SLC2A13: variants seen among roughly 807,000 people sequenced by gnomAD.
The protein encoded by SLC2A13 is proton myo-inositol cotransporter.
Under a neutral mutation model 64.4 loss-of-function variants are expected in SLC2A13, and 32 were observed. That is an observed-to-expected ratio of 0.50 (90% CI 0.37 to 0.67). The LOEUF is 0.67. Among genes scored for constraint, SLC2A13 ranks in the 30% least tolerant of loss-of-function variants. The probability of loss-of-function intolerance (pLI) is 0.00; values close to 1 mark genes in which losing one functional copy is unlikely to be tolerated. For synonymous variants in SLC2A13, 338 were observed against 327.1 expected, an observed-to-expected ratio of 1.03 and a Z score of -0.36; for missense variants, 743 against 829.2, an observed-to-expected ratio of 0.90 and a Z score of 1.28.
intron 6 of SLC2A13, among the ~76,000 whole-genome samples, chr12:39,842,030 C>CT (rs2135875905): frequency 6.6e-6 from 1 of 152,106 alleles, no homozygotes; most frequent in South Asian, 2.1e-4. Flanking sequence ...TTTTATTTCC[C>CT]TTTTTACAGA....
At chr12:39,829,826 A>G (rs1251674092) in intron 7 of SLC2A13, 3 of 391,242 alleles carry the variant, frequency 7.7e-6, no homozygotes, top group Non-Finnish European at 1.4e-5. Context: ...CCTTGGCAGT[A>G]TTTGTGAATA....
intron 3 of SLC2A13, among the ~76,000 whole-genome samples, chr12:39,998,838 A>T (rs1458030165): frequency 6.6e-6 from 1 of 152,142 alleles, no homozygotes; most frequent in East Asian, 1.9e-4. Flanking sequence ...GCAGAATGAT[A>T]TGGCTTGGCT....
chr12:39,911,150 G>C (rs186785671), intron 4 of SLC2A13, among the ~76,000 whole-genome samples: 33 of 152,092 alleles, frequency 2.2e-4, no homozygotes, highest in African/African-American at 8.0e-4. Flanking sequence ...AAGAGCTTAA[G>C]TTACTTTGCA....
chr12:39,871,639 CT>C (rs374790607), intron 5 of SLC2A13, among the ~76,000 whole-genome samples, 158 bp downstream of exon 5: 2,249 of 148,346 alleles, frequency 0.015, 62 homozygotes, highest in African/African-American at 0.049. Context: ...GTTAAAAGCT[CT>C]TTTTTTTTTC....
At chr12:39,909,970 T>C (rs1945389990) in intron 4 of SLC2A13, among the ~76,000 whole-genome samples, 1 of 151,860 alleles carries the variant, frequency 6.6e-6, no homozygotes, top group East Asian at 1.9e-4. Context: ...CAGGTGAAAG[T>C]AATAAATAAA....
Position 39,871,857 on chromosome 12 carries a change from A to T in SLC2A13, c.1139T>A (p.Val380Glu). 6.2e-7 allele frequency: 1 copy of T among 1,612,908 alleles called. No homozygotes were observed. Among genetic ancestry groups the T allele is most frequent in the Admixed American group, 1.7e-5 (1 of 59,806 alleles). Residue 380 changes from valine (V) to glutamate (E), a missense_variant, in exon 5 of 10, where the codon GTG becomes GAG. Physicochemically the swap from Val to Glu is moderately radical, Grantham distance 121. Around this residue, in one of 2 missense-constraint regions of SLC2A13, gnomAD observed 295 missense variants for 381.7 expected, o/e 0.77. Coordinates refer to ENST00000280871, the MANE Select transcript of SLC2A13 (RefSeq NM_052885.4). ...TAFTNFIFTL[V>E]GVWLVEKVGR... ...CACCTTCTCAACAAGCCAGACTCCC[A>T]CAAGTGTGAAAATGAAATTTGTGAA... is the stretch of plus-strand genomic sequence containing the variant.
chr12:39,794,547 C>T (rs1320821972), intron 7 of SLC2A13, among the ~76,000 whole-genome samples: 1 of 152,184 alleles, frequency 6.6e-6, no homozygotes. Context: ...AGCCAAACTT[C>T]AGACAACCAC....
At chr12:40,053,241 C>A (rs1428712906) in intron 1 of SLC2A13, among the ~76,000 whole-genome samples, 1 of 143,412 alleles carries the variant, frequency 7.0e-6, no homozygotes, top group African/African-American at 2.6e-5. Context: ...AAGATGGTAC[C>A]ACTGCACTAT....
intron 4 of SLC2A13, among the ~76,000 whole-genome samples, chr12:39,906,459 C>T (rs1945285386): frequency 6.6e-6 from 1 of 151,930 alleles, no homozygotes; most frequent in Non-Finnish European, 1.5e-5. Flanking sequence ...CAGTGTTATC[C>T]AGGGGAAAGT....
At chr12:39,816,465 G>T (rs1942343848) in intron 7 of SLC2A13, among the ~76,000 whole-genome samples, 1 of 150,148 alleles carries the variant, frequency 6.7e-6, no homozygotes, top group South Asian at 2.1e-4. Context: ...AGCATTAGGA[G>T]ATATACCTAA....
At chr12:39,856,208 C>T (rs946700550) in intron 6 of SLC2A13, among the ~76,000 whole-genome samples, 6 of 152,082 alleles carry the variant, frequency 3.9e-5, no homozygotes, top group Admixed American at 1.3e-4. Flanking sequence ...CTTCTCTTAT[C>T]AATAGCAACC....
intron 4 of SLC2A13, among the ~76,000 whole-genome samples, chr12:39,894,121 C>T (rs1944680812): frequency 6.6e-6 from 1 of 152,204 alleles, no homozygotes; most frequent in Non-Finnish European, 1.5e-5. Flanking sequence ...TACCAGCATT[C>T]TCCTATAGTG....
intron 4 of SLC2A13, among the ~76,000 whole-genome samples, chr12:39,942,764 C>G (rs949917974): frequency 3.3e-5 from 5 of 152,186 alleles, no homozygotes; most frequent in African/African-American, 1.2e-4. Flanking sequence ...TCTGTCAATT[C>G]ATCAAACTCA....
intron 4 of SLC2A13, among the ~76,000 whole-genome samples, chr12:39,928,716 G>C (rs1945770966): frequency 6.6e-6 from 1 of 152,138 alleles, no homozygotes; most frequent in Non-Finnish European, 1.5e-5. Flanking sequence ...TGTATGCAAG[G>C]ATAAAGAACA....
At chr12:39,884,998 T>A (rs1944434727) in intron 4 of SLC2A13, among the ~76,000 whole-genome samples, 1 of 152,226 alleles carries the variant, frequency 6.6e-6, no homozygotes, top group Non-Finnish European at 1.5e-5. Flanking sequence ...AAAACCATAG[T>A]GGCAGAGACA....
Position 39,895,786 on chromosome 12 carries a change from GTA to G in SLC2A13, c.1035-23827_1035-23826del, listed in dbSNP as rs1244223743. On this transcript the variant is annotated intron_variant, in intron 4 of 9. Coordinates refer to ENST00000280871, the MANE Select transcript of SLC2A13 (RefSeq NM_052885.4). ...TACACACATGTATATGCGTGTATAC[GTA>G]CACACATGTATATGCGTGTATACGT... Among the ~76,000 whole-genome samples the G allele has an allele frequency of 7.4e-5, 5 of 67,158 alleles. 1 individual carries two copies. Among genetic ancestry groups the G allele is most frequent in the African/African-American group, 3.2e-4 (5 of 15,464 alleles). The allele number at this position is 67,158 out of a possible 152,430, so 44.1% of individuals were successfully genotyped here. A position where few individuals can be genotyped will look rare whatever the true frequency, so the allele number is the denominator to read the frequency against.
In SLC2A13 at chr12:39,785,631, G is replaced by C. The variant is rs185780626; in HGVS notation, c.1446-20773C>G. On this transcript the variant is annotated intron_variant, in intron 7 of 9. Coordinates refer to ENST00000280871, the MANE Select transcript of SLC2A13 (RefSeq NM_052885.4). ...CAGACCCCAGAATGGTAGATCCACCGACAGCTTGCACTATGAGCCTGGAAA... is the reference window on the plus strand; with the variant it reads ...CAGACCCCAGAATGGTAGATCCACCCACAGCTTGCACTATGAGCCTGGAAA... 2.6e-5 allele frequency among the ~76,000 whole-genome samples: 4 copies of C among 152,092 alleles called. 1 individual carries two copies. The highest frequency in any genetic ancestry group is 7.2e-5 in the African/African-American group (3 of 41,422).
At chr12:40,065,933 C>T (rs1937701164) in intron 1 of SLC2A13, among the ~76,000 whole-genome samples, 1 of 152,206 alleles carries the variant, frequency 6.6e-6, no homozygotes, top group Non-Finnish European at 1.5e-5. Flanking sequence ...CAAGGTCACA[C>T]AGCCAGTAAA....
intron 3 of SLC2A13, among the ~76,000 whole-genome samples, chr12:39,964,859 G>A (rs1002742584): frequency 3.9e-5 from 6 of 152,112 alleles, no homozygotes; most frequent in African/African-American, 9.7e-5. Flanking sequence ...ATAAGAGGCT[G>A]CTGAACCTGC....
Sources: allele counts gnomAD v4.1 joint callset (sites outside exome capture counted in the v4.1 genomes callset), GRCh38; gene constraint gnomAD v4.1.1; regional missense constraint gnomAD v4.1.1; transcripts MANE v1.5; gene names NCBI Gene and HGNC (gene_info 2026-07-23, HGNC 2026-07-21).